Variants in ATRNL1 observed in about 807,000 individuals in gnomAD.
The protein encoded by ATRNL1 is attractin-like protein 1.
ATRNL1 carries 95 observed loss-of-function variants against 182.7 expected under a neutral mutation model. The observed-to-expected ratio is 0.52, with a 90% CI of 0.44 to 0.62. The LOEUF is 0.62. Ranked by LOEUF, ATRNL1 falls within the 20% of genes least tolerant of loss-of-function variation. The pLI is 0.00. For missense variants in ATRNL1, 1,471 were observed against 1,679.5 expected, an observed-to-expected ratio of 0.88 and a Z score of 2.17; for synonymous variants, 576 against 568.3, an observed-to-expected ratio of 1.01 and a Z score of -0.19.
intron 19 of ATRNL1, among the ~76,000 whole-genome samples, chr10:115,375,606 T>A (rs1857628264): frequency 6.6e-6 from 1 of 152,040 alleles, no homozygotes; most frequent in Admixed American, 6.6e-5. Context: ...GCTCTCATTC[T>A]TTTTTCTTTA....
chr10:115,481,074 T>G (rs1302099065), intron 24 of ATRNL1, among the ~76,000 whole-genome samples: 1 of 150,758 alleles, frequency 6.6e-6, no homozygotes, highest in African/African-American at 2.4e-5. Flanking sequence ...TCTAAAAATT[T>G]TAATGCGGTT....
intron 26 of ATRNL1, among the ~76,000 whole-genome samples, chr10:115,717,753 T>C (rs1369660541): frequency 1.3e-5 from 2 of 151,910 alleles, no homozygotes; most frequent in Non-Finnish European, 2.9e-5. Flanking sequence ...GATTTCACCA[T>C]GTCAGTTGGC....
chr10:115,742,788 T>G (rs1555068000), intron 27 of ATRNL1, among the ~76,000 whole-genome samples: 1 of 152,144 alleles, frequency 6.6e-6, no homozygotes, highest in East Asian at 1.9e-4. Context: ...AAGTAATCTT[T>G]CTAGCATGCA....
In ATRNL1 at chr10:115,322,233, T is replaced by TTA. The variant is rs1554931726; in HGVS notation, c.3037+6498_3037+6499insAT. 2.0e-5 allele frequency among the ~76,000 whole-genome samples: 3 copies of TTA among 151,890 alleles called. 1 individual carries two copies. The highest frequency in any genetic ancestry group is 4.4e-5 in the Non-Finnish European group (3 of 67,934). ...ATATATGTTGTGGACCCAACAGTAC[T>TTA]TTAATAAAATTATTACTTTATATAA... On this transcript the variant is annotated intron_variant, in intron 18 of 28. Transcript: ENST00000355044.
At chr10:115,125,499 T>TA (rs1844929508) in intron 3 of ATRNL1, among the ~76,000 whole-genome samples, 1 of 151,134 alleles carries the variant, frequency 6.6e-6, no homozygotes, top group Admixed American at 6.6e-5. Flanking sequence ...AAGTGTTATT[T>TA]TTTTTTTTTT....
chr10:115,847,974 C>G lies in ATRNL1; in HGVS notation c.4001C>G (p.Pro1334Arg). The G allele has an allele frequency of 6.2e-7, 1 of 1,604,744 alleles. No homozygotes were observed. Among genetic ancestry groups the G allele is most frequent in the Non-Finnish European group, 8.5e-7 (1 of 1,171,850 alleles). Residue 1334 changes from proline to arginine, a missense_variant, in exon 28 of 29, where the codon CCT (proline) becomes CGT (arginine). By Grantham distance (103) the Pro-to-Arg change is moderately radical. Around this residue, in one of 3 missense-constraint regions of ATRNL1, gnomAD observed 437 missense variants for 506.0 expected, o/e 0.86. Transcript: ENST00000355044. ...LCLPRGSSGAPPPGQSGLAIA... is the reference protein window; with the variant it reads ...LCLPRGSSGARPPGQSGLAIA... Reference sequence around the variant, plus strand: ...CTACCACGAGGATCATCAGGTGCCCCTCCCCCTGGGCAGTCAGGTATGATA... The same window carrying G: ...CTACCACGAGGATCATCAGGTGCCCGTCCCCCTGGGCAGTCAGGTATGATA...
chr10:115,354,543 A>G (rs1191505755), intron 19 of ATRNL1, among the ~76,000 whole-genome samples: 2 of 152,156 alleles, frequency 1.3e-5, no homozygotes, highest in African/African-American at 4.8e-5. Context: ...CCCCACTGAG[A>G]AGGCTGCTGC....
At chr10:115,773,868 T>G (rs1219177700) in intron 27 of ATRNL1, among the ~76,000 whole-genome samples, 2 of 152,200 alleles carry the variant, frequency 1.3e-5, no homozygotes, top group African/African-American at 4.8e-5. Flanking sequence ...TGCAAATCAC[T>G]AAATTTAACT....
intron 19 of ATRNL1, among the ~76,000 whole-genome samples, chr10:115,337,337 C>A (rs1275343238): frequency 6.6e-6 from 1 of 152,086 alleles, no homozygotes; most frequent in African/African-American, 2.4e-5. Context: ...TACAAAGAAT[C>A]TAATTACACT....
intron 26 of ATRNL1, 115 bp from the exon 27 acceptor site, chr10:115,727,133 T>C (rs1947623633): frequency 4.2e-6 from 3 of 713,412 alleles, no homozygotes; most frequent in African/African-American, 3.5e-5. Context: ...TGGATATCTG[T>C]ATAAAATGAT....
chr10:115,530,076 T>G, intron 25 of ATRNL1, among the ~76,000 whole-genome samples: 1 of 152,196 alleles, frequency 6.6e-6, no homozygotes, highest in East Asian at 1.9e-4. Context: ...TTTTTATTGC[T>G]GAATAATATT....
At position 115,620,795 on chromosome 10, in the gene ATRNL1, C is replaced by T. The variant is rs937501076; in HGVS notation, c.3795+71259C>T. ...ACAACATACTACGTGTGTAAACACA[C>T]ATGAACACATATGTACACACAAAGA... On this transcript the variant is annotated intron_variant, in intron 26 of 28. Coordinates refer to ENST00000355044, the MANE Select transcript of ATRNL1 (RefSeq NM_207303.4). Among the ~76,000 whole-genome samples, 21 of 152,266 alleles carry T rather than the reference C, an allele frequency of 1.4e-4. No homozygotes were observed. The East Asian group carries it at 4.1e-3, about 29-fold the overall frequency.
chr10:115,588,862 T>G (rs1476414349), intron 26 of ATRNL1, among the ~76,000 whole-genome samples: 3 of 152,238 alleles, frequency 2.0e-5, no homozygotes, highest in Non-Finnish European at 4.4e-5. Context: ...CTTGCAGATA[T>G]TACCACTGCA....
At chr10:115,143,575 G>A (rs1845839874) in intron 5 of ATRNL1, among the ~76,000 whole-genome samples, 1 of 152,164 alleles carries the variant, frequency 6.6e-6, no homozygotes, top group Non-Finnish European at 1.5e-5. Flanking sequence ...GAGACCAGAA[G>A]TCCAATACCA....
At chr10:115,865,761 C>G (rs1951426834) in intron 28 of ATRNL1, among the ~76,000 whole-genome samples, 2 of 152,102 alleles carry the variant, frequency 1.3e-5, no homozygotes, top group Non-Finnish European at 2.9e-5. Context: ...CTGAGTTTCC[C>G]TGCTGAGGTA....
intron 2 of ATRNL1, among the ~76,000 whole-genome samples, chr10:115,120,542 G>T (rs1257893036): frequency 6.6e-6 from 1 of 151,934 alleles, no homozygotes; most frequent in African/African-American, 2.4e-5. Flanking sequence ...TGAACATCTT[G>T]TTATGAAATT....
chr10:115,316,111 C>A (rs1323067435), intron 18 of ATRNL1, among the ~76,000 whole-genome samples: 1 of 152,100 alleles, frequency 6.6e-6, no homozygotes, highest in Non-Finnish European at 1.5e-5. Context: ...TTCCCCTCAC[C>A]CCCAGCCCGG....
At chr10:115,757,495 C>A (rs1163327127) in intron 27 of ATRNL1, among the ~76,000 whole-genome samples, 1 of 152,200 alleles carries the variant, frequency 6.6e-6, no homozygotes, top group Non-Finnish European at 1.5e-5. Context: ...CCCCTACTCT[C>A]TTCTGGCTTG....
intron 1 of ATRNL1, among the ~76,000 whole-genome samples, chr10:115,100,342 G>A (rs1843724225): frequency 1.3e-5 from 2 of 151,618 alleles, no homozygotes; most frequent in South Asian, 4.1e-4. Flanking sequence ...CCTAAACCAA[G>A]TTGATGAAGA....
Sources: allele counts gnomAD v4.1 joint callset (sites outside exome capture counted in the v4.1 genomes callset), GRCh38; gene constraint gnomAD v4.1.1; regional missense constraint gnomAD v4.1.1; transcripts MANE v1.5; gene names NCBI Gene and HGNC (gene_info 2026-07-23, HGNC 2026-07-21).